RBAK: variants seen among roughly 807,000 people sequenced by gnomAD.
RBAK encodes the protein RB-associated KRAB zinc finger protein.
Under a neutral mutation model 65.8 loss-of-function variants are expected in RBAK, and 39 were observed. The observed-to-expected ratio is 0.59, with a 90% CI of 0.46 to 0.77. RBAK has a LOEUF of 0.77. Ranked by LOEUF, RBAK falls within the 30% of genes least tolerant of loss-of-function variation. RBAK has a pLI of 0.00. For synonymous variants in RBAK, 343 were observed against 289.7 expected (o/e 1.18, Z -1.87); for missense variants, 884 against 855.1 (o/e 1.03, Z -0.42).
At chr7:5,057,540 A>G in intron 3 of RBAK, 119 bp downstream of exon 3, 1 of 1,595,586 alleles carries the variant, frequency 6.3e-7, no homozygotes, top group South Asian at 1.1e-5. Context: ...TGTTTATATT[A>G]TTATTCATTG....
At chr7:5,059,258 C>T (rs906857345) in intron 4 of RBAK, among the ~76,000 whole-genome samples, 8 of 152,130 alleles carry the variant, frequency 5.3e-5, no homozygotes, top group African/African-American at 1.9e-4. Context: ...CTGCATTTTA[C>T]TTGCCCACAT....
At chr7:5,062,359 C>T (rs150059443) in intron 4 of RBAK, among the ~76,000 whole-genome samples, 26 of 152,240 alleles carry the variant, frequency 1.7e-4, no homozygotes, top group African/African-American at 5.3e-4. Context: ...CATCACATGT[C>T]GGTAGGTTCT....
rs751947805 is a variant in RBAK at position 5,064,703 on chromosome 7, T to C, written c.1247T>C (p.Leu416Pro). 1 of 1,612,410 alleles carries C rather than the reference T, an allele frequency of 6.2e-7. No homozygotes were observed. Among genetic ancestry groups the C allele is most frequent in the Admixed American group, 1.7e-5 (1 of 59,940 alleles). The change falls in exon 5 of 5, where the codon CTG becomes CCG. Residue 416 changes from leucine (L) to proline (P), a missense_variant. Coordinates refer to ENST00000396912, the MANE Select transcript of RBAK (RefSeq NM_021163.4). The surrounding 1 kb of genome is among the most constrained non-coding windows in gnomAD (Gnocchi z 6.3). Reference protein sequence around the residue: ...CGKSYYRKSTLITHQRTHTGE... With the variant: ...CGKSYYRKSTPITHQRTHTGE... ...AAATCCTACTACCGAAAGTCTACTCTGATTACACATCAGAGAACACACACG... is the reference window on the plus strand; with the variant it reads ...AAATCCTACTACCGAAAGTCTACTCCGATTACACATCAGAGAACACACACG...
At chr7:5,047,294 G>A (rs1358765530) in intron 1 of RBAK, among the ~76,000 whole-genome samples, 1 of 152,166 alleles carries the variant, frequency 6.6e-6, no homozygotes, top group Non-Finnish European at 1.5e-5. Context: ...AGCTACTCAG[G>A]AGGCTGAGGT....
chr7:5,061,095 A>G (rs867650594), intron 4 of RBAK, among the ~76,000 whole-genome samples: 50 of 152,338 alleles, frequency 3.3e-4, no homozygotes, highest in Middle Eastern at 3.4e-3. Context: ...AGCAAATTGA[A>G]AGAAAATTAA....
Position 5,065,287 on chromosome 7 carries a change from A to G in RBAK, c.1831A>G (p.Thr611Ala), listed in dbSNP as rs757399032. ...GKFFSQKSYL[T>A]IHHRIHSGEK... ...ATTCTTCTCTCAGAAATCATATCTC[A>G]CTATACATCATCGAATTCATTCAGG... The change falls in exon 5 of 5, where the codon ACT becomes GCT. Residue 611 changes from threonine (T) to alanine (A), a missense_variant. Transcript: ENST00000396912. The surrounding 1 kb of genome is among the most constrained non-coding windows in gnomAD (Gnocchi z 5.3). 6.2e-7 allele frequency: 1 copy of G among 1,611,958 alleles called. No homozygotes were observed. Among genetic ancestry groups the G allele is most frequent in the South Asian group, 1.1e-5 (1 of 91,012 alleles).
chr7:5,053,590 G>T (rs1788161724), intron 2 of RBAK, among the ~76,000 whole-genome samples: 1 of 151,860 alleles, frequency 6.6e-6, no homozygotes, highest in African/African-American at 2.4e-5. Flanking sequence ...ATTGATTCTT[G>T]TTGCCTGTAT....
intron 2 of RBAK, among the ~76,000 whole-genome samples, chr7:5,056,274 AT>A (rs562454074): frequency 9.9e-4 from 144 of 145,784 alleles, no homozygotes; most frequent in African/African-American, 1.7e-3. Context: ...TGCCCAGCCA[AT>A]TTTTTTTTTT....
chr7:5,067,246 A>G lies in RBAK; in HGVS notation c.*1645A>G, dbSNP rs1779242661. 6.6e-6 allele frequency: 1 copy of G among 152,202 alleles called. No homozygotes were observed. Among genetic ancestry groups the G allele is most frequent in the Non-Finnish European group, 1.5e-5 (1 of 68,008 alleles). 9.4% of individuals were successfully genotyped at this position (152,202 alleles called of 1,614,324 possible). A position where few individuals can be genotyped will look rare whatever the true frequency, so the allele number is the denominator to read the frequency against. ...AAGGCATAGAGATTAGAAAAGAAGTAAAACTTTAAAAACGAAAAAGAATAT... is the reference window on the plus strand; with the variant it reads ...AAGGCATAGAGATTAGAAAAGAAGTGAAACTTTAAAAACGAAAAAGAATAT... On this transcript the variant is annotated 3_prime_UTR_variant, in exon 5 of 5. Coordinates refer to ENST00000396912, the MANE Select transcript of RBAK (RefSeq NM_021163.4).
intron 2 of RBAK, among the ~76,000 whole-genome samples, chr7:5,053,348 T>C (rs1788156623): frequency 6.6e-6 from 1 of 152,236 alleles, no homozygotes; most frequent in African/African-American, 2.4e-5. Flanking sequence ...AAATCTGATC[T>C]CATATTCATC....
At chr7:5,062,975 G>C (rs148030957) in intron 4 of RBAK, among the ~76,000 whole-genome samples, 1 of 152,036 alleles carries the variant, frequency 6.6e-6, no homozygotes, top group Non-Finnish European at 1.5e-5. Flanking sequence ...TCAAACACAC[G>C]TGCTCTACAA....
At chr7:5,053,215 C>A (rs1788154233) in intron 2 of RBAK, among the ~76,000 whole-genome samples, 1 of 152,158 alleles carries the variant, frequency 6.6e-6, no homozygotes, top group Non-Finnish European at 1.5e-5. Context: ...TTGATGAATT[C>A]TTGTACGTCT....
rs1752457769 is a variant in RBAK, at chr7:5,063,718, A to T, written c.262A>T (p.Ile88Leu). 2 of 1,610,636 alleles carry T rather than the reference A, an allele frequency of 1.2e-6. No individual in the cohort carries two copies. Among genetic ancestry groups the T allele is most frequent in the African/African-American group, 2.7e-5 (2 of 74,668 alleles). Residue 88 changes from isoleucine to leucine, a missense_variant, in exon 5 of 5, where the codon ATA becomes TTA. Coordinates refer to ENST00000396912, the MANE Select transcript of RBAK (RefSeq NM_021163.4). ...SPEAWRVDDL[I>L]ERIQENEDKH... Reference sequence around the variant, plus strand: ...AGAAGCCTGGAGAGTTGATGACCTGATAGAGAGAATCCAAGAAAACGAAGA... The same window carrying T: ...AGAAGCCTGGAGAGTTGATGACCTGTTAGAGAGAATCCAAGAAAACGAAGA...
chr7:5,051,234 C>A (rs1015118858), intron 2 of RBAK, among the ~76,000 whole-genome samples: 6 of 152,128 alleles, frequency 3.9e-5, no homozygotes, highest in African/African-American at 1.4e-4. Context: ...AGAAAAATTG[C>A]ACGGATTTTA....
chr7:5,061,145 G>A (rs1390715489), intron 4 of RBAK, among the ~76,000 whole-genome samples: 2 of 152,136 alleles, frequency 1.3e-5, no homozygotes, highest in Non-Finnish European at 2.9e-5. Context: ...GTTATAAACT[G>A]TTCTAAGCAG....
intron 4 of RBAK, among the ~76,000 whole-genome samples, chr7:5,058,429 T>A (rs1778982030): frequency 6.6e-6 from 1 of 152,224 alleles, no homozygotes; most frequent in South Asian, 2.1e-4. Flanking sequence ...AACTTGAGAC[T>A]TTTATGTTCA....
chr7:5,068,255 A>T lies in RBAK; in HGVS notation c.*2654A>T, dbSNP rs79498540. 2 of 148,910 alleles carry T rather than the reference A, an allele frequency of 1.3e-5. No individual in the cohort carries two copies. Among genetic ancestry groups the T allele is most frequent in the Admixed American group, 1.3e-4 (2 of 14,932 alleles). The allele number at this position is 148,910 out of a possible 1,614,324, so 9.2% of individuals were successfully genotyped here. A position where few individuals can be genotyped will look rare whatever the true frequency, so the allele number is the denominator to read the frequency against. ...TGAAAGCATCCATACACCATGCATT[A>T]AAAAAAAAATGAGCATGGCTGCTTC... On this transcript the variant is annotated 3_prime_UTR_variant, in exon 5 of 5. Coordinates refer to ENST00000396912, the MANE Select transcript of RBAK (RefSeq NM_021163.4).
chr7:5,058,693 C>T (rs942836516), intron 4 of RBAK, among the ~76,000 whole-genome samples: 14 of 152,118 alleles, frequency 9.2e-5, no homozygotes, highest in African/African-American at 3.1e-4. Context: ...GTGTTCATTT[C>T]CCCTTCCCCA....
chr7:5,058,393 G>A (rs1276669959), intron 4 of RBAK, among the ~76,000 whole-genome samples: 1 of 152,150 alleles, frequency 6.6e-6, no homozygotes, highest in Non-Finnish European at 1.5e-5. Context: ...TTGTTTTGGG[G>A]CATTCAGAAG....
Sources: gnomAD v4.1 joint callset for allele counts (sites outside exome capture counted in the v4.1 genomes callset) on GRCh38, gnomAD v4.1.1 for gene constraint, Gnocchi (gnomAD v3.1) non-coding constraint, MANE v1.5 for transcripts, NCBI Gene and HGNC (gene_info 2026-07-23, HGNC 2026-07-21) for gene names.